The following MICALL2 variants were observed in gnomAD, a reference collection of about 807,000 sequenced individuals.
MICALL2 encodes MICAL like 2.
A neutral mutation model predicts 91.1 loss-of-function variants in MICALL2; 111 were observed. The ratio of observed to expected loss-of-function variants is 1.22; its 90% CI spans 1.04 to 1.43. The LOEUF is 1.43. Ranked by LOEUF, MICALL2 falls within the 40% of genes most tolerant of loss-of-function variation. The pLI, the probability that MICALL2 is intolerant of heterozygous loss-of-function variation, is 0.00. For synonymous variants in MICALL2, 694 were observed against 525.3 expected (o/e 1.32, Z -4.39); for missense variants, 1,556 against 1,236.0 (o/e 1.26, Z -3.88).
chr7:1,452,723 C>A lies in MICALL2; in HGVS notation c.144-2435G>T, dbSNP rs1363612366. 2.0e-5 allele frequency among the ~76,000 whole-genome samples: 3 copies of A among 152,200 alleles called. No individual in the cohort carries two copies. Among genetic ancestry groups the A allele is most frequent in the African/African-American group, 7.2e-5 (3 of 41,464 alleles). On this transcript the variant is annotated intron_variant, in intron 1 of 16. Transcript: ENST00000297508. The surrounding 1 kb of genome is among the most constrained non-coding windows in gnomAD (Gnocchi z 6.2). ...TCCAGGCAGATCAGAGCACCCCAGG[C>A]CCTCTGGACACACCAGAGCCAGTGC... is the stretch of plus-strand genomic sequence containing the variant.
chr7:1,447,327 C>G (rs575137953), intron 4 of MICALL2, among the ~76,000 whole-genome samples: 1 of 152,280 alleles, frequency 6.6e-6, no homozygotes, highest in East Asian at 1.9e-4. Context: ...CTGGGCCCAT[C>G]TAGGTTCAAG....
At chr7:1,438,793 C>A in intron 10 of MICALL2, 47 bp downstream of exon 10, 1 of 1,554,724 alleles carries the variant, frequency 6.4e-7, no homozygotes, top group Non-Finnish European at 8.7e-7. Context: ...CAGAGGAAGG[C>A]TCCCTTCACG....
At chr7:1,454,076 G>A (rs1370322046) in intron 1 of MICALL2, among the ~76,000 whole-genome samples, 1 of 152,034 alleles carries the variant, frequency 6.6e-6, no homozygotes, top group Non-Finnish European at 1.5e-5. Flanking sequence ...CGGCGCCTCT[G>A]GGGGCTCTTG....
At chr7:1,446,855 A>G in intron 4 of MICALL2, 27 bp from the exon 5 acceptor site, 7 of 1,488,092 alleles carry the variant, frequency 4.7e-6, no homozygotes, top group Non-Finnish European at 6.4e-6. Context: ...CACCTCTCTG[A>G]GCAGCCGTCC....
At position 1,444,682 on chromosome 7, in the gene MICALL2, A is replaced by G. The variant is rs1281191493; in HGVS notation, c.1388T>C (p.Leu463Pro). 1 of 1,611,760 alleles carries G rather than the reference A, an allele frequency of 6.2e-7. No individual in the cohort carries two copies. The highest frequency in any genetic ancestry group is 1.3e-5 in the African/African-American group (1 of 74,932). The change falls in exon 6 of 17, where the codon CTG becomes CCG. Residue 463 changes from leucine to proline, a missense_variant. Coordinates refer to ENST00000297508, the MANE Select transcript of MICALL2 (RefSeq NM_182924.4). ...AGGCGCCGGAGCGCCAGCCTCTTCC[A>G]GCGCTGAGAGGGCCTGCTTGAGGAA... Reference protein sequence around the residue: ...RNFLKQALSALEEAGAPAPGR... With the variant: ...RNFLKQALSAPEEAGAPAPGR...
chr7:1,438,050 G>A (rs1039362715), intron 12 of MICALL2, 47 bp downstream of exon 12: 10 of 1,563,118 alleles, frequency 6.4e-6, no homozygotes, highest in African/African-American at 2.7e-5. Context: ...AGGACTGAGG[G>A]TGTCTGTGGG....
In MICALL2 at chr7:1,440,023, T is replaced by C. The variant is rs61287564; in HGVS notation, c.1868A>G (p.Lys623Arg). 106,168 of 1,574,570 alleles carry C rather than the reference T, an allele frequency of 0.067. 4,966 individuals carry two copies. The highest frequency in any genetic ancestry group is 0.22 in the Admixed American group (10,755 of 49,732). The change falls in exon 9 of 17, where the codon AAG (lysine) becomes AGG (arginine). Residue 623 changes from lysine to arginine, a missense_variant. Lys to Arg is a conservative substitution (Grantham distance 26). Transcript: ENST00000297508. ...AEPRAGEAPR[K>R]VSGSFAGSVH... ...ACTCCCAGCAAAGCTGCCTGAGACC[T>C]TCCTGGGGGCCTCCCCCGCCCTCGG...
intron 1 of MICALL2, among the ~76,000 whole-genome samples, chr7:1,456,585 C>CAAATAAAT (rs370994107): frequency 0.012 from 1,863 of 151,234 alleles, 46 homozygotes; most frequent in African/African-American, 0.042. Flanking sequence ...GACTCTGTCT[C>CAAATAAAT]AAATAAATAA....
At chr7:1,456,213 G>C in intron 1 of MICALL2, among the ~76,000 whole-genome samples, 1 of 147,534 alleles carries the variant, frequency 6.8e-6, no homozygotes, top group Non-Finnish European at 1.6e-5. Flanking sequence ...TTGAGGCCAG[G>C]AGTTCAAGAC....
chr7:1,434,980 T>TGGGCCCCCCCCCCCCC, intron 16 of MICALL2, 121 bp downstream of exon 16: 1 of 628,932 alleles, frequency 1.6e-6, no homozygotes, highest in Non-Finnish European at 2.8e-6. Flanking sequence ...GGGGACCCGA[T>TGGGCCCCCCCCCCCCC]ACCCGCCCCC....
intron 1 of MICALL2, among the ~76,000 whole-genome samples, chr7:1,455,842 C>T (rs1460253624): frequency 6.6e-6 from 1 of 152,116 alleles, no homozygotes; most frequent in South Asian, 2.1e-4. Flanking sequence ...GACGTCCACC[C>T]TTCTGCTGTC....
Position 1,439,489 on chromosome 7 carries a change from A to G in MICALL2, c.1966+436T>C, listed in dbSNP as rs1213588184. 5.1e-5 allele frequency: 3 copies of G among 58,346 alleles called. No homozygotes were observed. In the African/African-American group the frequency reaches 5.7e-4, roughly 11 times the overall value. 3.6% of individuals were successfully genotyped at this position (58,346 alleles called of 1,614,324 possible). A position where few individuals can be genotyped will look rare whatever the true frequency, so the allele number is the denominator to read the frequency against. On this transcript the variant is annotated intron_variant, in intron 9 of 16. Transcript: ENST00000297508. ...CACAGATGTACACATGGACACATGC[A>G]TCACGTGTGGGCACACATGCATCAC... is the stretch of plus-strand genomic sequence containing the variant.
rs551654351 is a variant in MICALL2 at position 1,448,518 on chromosome 7, G to A, written c.334+102C>T. 2.9e-5 allele frequency: 31 copies of A among 1,084,194 alleles called. No individual in the cohort carries two copies. In the Admixed American group the frequency reaches 5.3e-4, roughly 19 times the overall value. 67.2% of individuals were successfully genotyped at this position (1,084,194 alleles called of 1,614,324 possible). ...CCCATGCCAGGGGCCATTCTTGGGG[G>A]GGGGGCTGGGCATGGACCCCAAAAA... On this transcript the variant is annotated intron_variant, in intron 3 of 16. Transcript: ENST00000297508.
At chr7:1,437,770 T>G in intron 13 of MICALL2, 120 bp downstream of exon 13, 1 of 1,245,766 alleles carries the variant, frequency 8.0e-7, no homozygotes, top group Non-Finnish European at 1.1e-6. Flanking sequence ...AACGAGGTCC[T>G]GGACCTGCCG....
Position 1,440,647 on chromosome 7 carries a change from C to T in MICALL2, c.1749G>A (p.Gly583=), listed in dbSNP as rs372056205. 7.4e-6 allele frequency: 12 copies of T among 1,612,534 alleles called. No individual in the cohort carries two copies. The highest frequency in any genetic ancestry group is 6.7e-5 in the East Asian group (3 of 44,882). ...TCAGATTCGCTCTCCATCCTGCCGG[C>T]CCGTCCTCCTGGCCTTCCTGGAGGC... is the stretch of plus-strand genomic sequence containing the variant. ...STSLQEGQED[G]PAGWRANLKP... The change falls in exon 8 of 17, where the codon GGG becomes GGA. Residue 583 remains glycine (G), a synonymous_variant. Coordinates refer to ENST00000297508, the MANE Select transcript of MICALL2 (RefSeq NM_182924.4).
In MICALL2 at chr7:1,439,205, G is replaced by A. The variant is rs138718148; in HGVS notation, c.1967-210C>T. ...CCCCAGGGGGCTAACCCACGGGGCT[G>A]CTGGCTGCTCAAGGTCACACAGGAA... On this transcript the variant is annotated intron_variant, in intron 9 of 16. Coordinates refer to ENST00000297508, the MANE Select transcript of MICALL2 (RefSeq NM_182924.4). 784 of 544,108 alleles carry A rather than the reference G, an allele frequency of 1.4e-3. 3 individuals are homozygous for A. Among genetic ancestry groups the A allele is most frequent in the African/African-American group, 0.013 (674 of 52,426 alleles). The allele number at this position is 544,108 out of a possible 1,614,324, so 33.7% of individuals were successfully genotyped here.
rs116367135 is a variant in MICALL2 at position 1,453,274 on chromosome 7, G to C, written c.144-2986C>G. 1.7e-3 allele frequency among the ~76,000 whole-genome samples: 260 copies of C among 152,268 alleles called. 2 individuals are homozygous for C. Among genetic ancestry groups the C allele is most frequent in the African/African-American group, 6.0e-3 (249 of 41,546 alleles). On this transcript the variant is annotated intron_variant, in intron 1 of 16. Coordinates refer to ENST00000297508, the MANE Select transcript of MICALL2 (RefSeq NM_182924.4). The stretch of plus-strand genomic sequence containing the variant: ...TTTGGAGATAAGAGAATTCAAACAG[G>C]GTTCTTTGCGGGGAGCCCTGGTCCC...
chr7:1,437,861 C>T (rs762246104), intron 13 of MICALL2, 29 bp downstream of exon 13: 18 of 1,542,066 alleles, frequency 1.2e-5, no homozygotes, highest in South Asian at 1.2e-5. Context: ...TCCTGGCCTT[C>T]GAGGAGGGGC....
At chr7:1,439,228 G>T (rs149357391) in intron 9 of MICALL2, 6 of 525,458 alleles carry the variant, frequency 1.1e-5, no homozygotes, top group African/African-American at 9.6e-5. Context: ...GGTCACACAG[G>T]AAGTGGCACG....
Sources: allele counts gnomAD v4.1 joint callset (sites outside exome capture counted in the v4.1 genomes callset), GRCh38; gene constraint gnomAD v4.1.1; non-coding constraint Gnocchi (gnomAD v3.1); transcripts MANE v1.5; gene names NCBI Gene and HGNC (gene_info 2026-07-23, HGNC 2026-07-21).